Variants in SH3GL1 observed in about 807,000 individuals in gnomAD.
The protein encoded by SH3GL1 is endophilin-A2.
SH3GL1 carries 21 observed loss-of-function variants against 48.8 expected under a neutral mutation model. The ratio of observed to expected loss-of-function variants is 0.43; its 90% CI spans 0.30 to 0.62. SH3GL1 has a LOEUF of 0.62. SH3GL1 is among the 20% of genes least tolerant of loss of function. The pLI is 0.11. For synonymous variants in SH3GL1, 282 were observed against 217.5 expected (o/e 1.30, Z -2.61); for missense variants, 454 against 503.0 (o/e 0.90, Z 0.93).
chr19:4,387,324 G>T (rs928736319), intron 1 of SH3GL1, among the ~76,000 whole-genome samples: 6 of 146,096 alleles, frequency 4.1e-5, no homozygotes, highest in Non-Finnish European at 9.1e-5. Flanking sequence ...TTTTAGGCAG[G>T]GTCTTGCTCT....
intron 1 of SH3GL1, among the ~76,000 whole-genome samples, chr19:4,380,695 T>C (rs1210999793): frequency 1.3e-5 from 2 of 152,172 alleles, no homozygotes; most frequent in Non-Finnish European, 2.9e-5. Flanking sequence ...TTCTGGGGTG[T>C]GTGGTCCCCT....
intron 4 of SH3GL1, chr19:4,364,583 A>C: frequency 7.2e-6 from 2 of 278,982 alleles, no homozygotes; most frequent in South Asian, 7.7e-5. Flanking sequence ...GGGGCCTGCC[A>C]CCACATCCAG....
chr19:4,387,643 A>G (rs911012103), intron 1 of SH3GL1, among the ~76,000 whole-genome samples: 9 of 152,078 alleles, frequency 5.9e-5, no homozygotes, highest in African/African-American at 2.2e-4. Context: ...TGGGGTATCC[A>G]GCAAAATTTC....
At chr19:4,394,113 CCCT>C (rs1973385340) in intron 1 of SH3GL1, among the ~76,000 whole-genome samples, 1 of 135,692 alleles carries the variant, frequency 7.4e-6, no homozygotes, top group South Asian at 2.4e-4. Flanking sequence ...CAAACCCTCT[CCCT>C]CCTTTCAGGC....
chr19:4,390,712 C>T (rs1973321840), intron 1 of SH3GL1: 1 of 152,216 alleles, frequency 6.6e-6, no homozygotes, highest in Admixed American at 6.6e-5. Flanking sequence ...GCTGAGATGC[C>T]TCCAGAGCCT....
rs1973002843 is a variant in SH3GL1 at position 4,376,072 on chromosome 19, G to A, written c.46-9078C>T. 6.6e-6 allele frequency among the ~76,000 whole-genome samples: 1 copy of A among 152,226 alleles called. No individual in the cohort carries two copies. Among genetic ancestry groups the A allele is most frequent in the Non-Finnish European group, 1.5e-5 (1 of 68,038 alleles). ...GAGAACTGCGGGGCATGGTGACAGC[G>A]GTGAGAGGCTGCAGGTGCACAGATC... On this transcript the variant is annotated intron_variant, in intron 1 of 9. Coordinates refer to ENST00000269886, the MANE Select transcript of SH3GL1 (RefSeq NM_003025.4). This position sits in a 1 kb window ranked among gnomAD's most constrained non-coding sequence, Gnocchi z 4.3.
intron 1 of SH3GL1, among the ~76,000 whole-genome samples, chr19:4,374,919 C>T (rs11667564): frequency 0.017 from 2,642 of 152,306 alleles, 35 homozygotes; most frequent in Non-Finnish European, 0.024. Context: ...CCTCACCGCC[C>T]GTCTGGCAGA....
intron 1 of SH3GL1, among the ~76,000 whole-genome samples, chr19:4,372,829 C>G (rs973742312): frequency 6.6e-5 from 10 of 152,212 alleles, no homozygotes; most frequent in Non-Finnish European, 1.3e-4. Flanking sequence ...AGGCTCCTGG[C>G]TTGCTGATGT....
intron 3 of SH3GL1, 70 bp from the exon 4 acceptor site, chr19:4,365,695 C>T: frequency 1.3e-6 from 2 of 1,593,262 alleles, no homozygotes; most frequent in Non-Finnish European, 1.7e-6. Flanking sequence ...GACTGCAGCC[C>T]CCACATCTCC....
chr19:4,363,900 G>T (rs774025301), intron 5 of SH3GL1, 22 bp from the exon 6 acceptor site: 10 of 1,611,684 alleles, frequency 6.2e-6, no homozygotes, highest in Non-Finnish European at 8.5e-6. Context: ...GGGGACATGG[G>T]TCACACCAGT....
chr19:4,363,863 G>A lies in SH3GL1; in HGVS notation c.481C>T (p.Leu161=), dbSNP rs753891296. 8.7e-6 allele frequency: 14 copies of A among 1,612,480 alleles called. No individual in the cohort carries two copies. The Admixed American group carries it at 2.2e-4, about 25-fold the overall frequency. The change falls in exon 6 of 10, where the codon CTG becomes TTG. Residue 161 remains leucine, a synonymous_variant. Coordinates refer to ENST00000269886, the MANE Select transcript of SH3GL1 (RefSeq NM_003025.4). ...TCAAAGTCCAGGCGGCGGCCCTCCA[G>A]TTTCTTCAGGTGGTGCTGGAGACGT... ...LKEIQHHLKK[L]EGRRLDFDYK... is the part of the protein sequence containing the mutation.
chr19:4,392,932 C>A (rs1973363824), intron 1 of SH3GL1, among the ~76,000 whole-genome samples: 1 of 152,038 alleles, frequency 6.6e-6, no homozygotes, highest in South Asian at 2.1e-4. Flanking sequence ...GGGGACAGAA[C>A]AAGACTGCAT....
chr19:4,397,511 G>C (rs1973446814), intron 1 of SH3GL1, among the ~76,000 whole-genome samples: 1 of 152,226 alleles, frequency 6.6e-6, no homozygotes, highest in Non-Finnish European at 1.5e-5. Flanking sequence ...CCTGATCGCT[G>C]GGAGTGGGGG....
At chr19:4,391,177 G>A (rs991879753) in intron 1 of SH3GL1, among the ~76,000 whole-genome samples, 4 of 152,144 alleles carry the variant, frequency 2.6e-5, no homozygotes, top group African/African-American at 9.7e-5. Flanking sequence ...TCAGACCTCA[G>A]GTGCACTGCG....
Position 4,367,283 on chromosome 19 carries a change from T to C in SH3GL1, c.46-289A>G, listed in dbSNP as rs1352450572. Among the ~76,000 whole-genome samples, 1 of 152,166 alleles carries C rather than the reference T, an allele frequency of 6.6e-6. No individual in the cohort carries two copies. Among genetic ancestry groups the C allele is most frequent in the East Asian group, 1.9e-4 (1 of 5,180 alleles). On this transcript the variant is annotated intron_variant, in intron 1 of 9. Coordinates refer to ENST00000269886, the MANE Select transcript of SH3GL1 (RefSeq NM_003025.4). This position sits in a 1 kb window ranked among gnomAD's most constrained non-coding sequence, Gnocchi z 4.2. ...GGGGACCCTGCCACAGTAGGCCCCA[T>C]CTGGGCCACGGTGGAGTCCAGAGCC...
chr19:4,362,812 G>A, intron 7 of SH3GL1, 76 bp from the exon 8 acceptor site: 2 of 1,604,378 alleles, frequency 1.2e-6, no homozygotes. Context: ...TTATGCTGCT[G>A]CCTAATGACC....
rs1972961124 is a variant in SH3GL1, at chr19:4,374,245, A to C, written c.46-7251T>G. 2.0e-5 allele frequency among the ~76,000 whole-genome samples: 3 copies of C among 152,230 alleles called. No homozygotes were observed. In the South Asian group the frequency reaches 6.2e-4, roughly 31 times the overall value. On this transcript the variant is annotated intron_variant, in intron 1 of 9. Coordinates refer to ENST00000269886, the MANE Select transcript of SH3GL1 (RefSeq NM_003025.4). ...CACTGGAAAGAAGTCACGCAGACGAAGTGGTGACAGCCACGACAGGAAATT... is the reference window on the plus strand; with the variant it reads ...CACTGGAAAGAAGTCACGCAGACGACGTGGTGACAGCCACGACAGGAAATT...
rs1972682270 is a variant in SH3GL1, at chr19:4,363,487, A to G, written c.625-14T>C. On this transcript the variant is annotated splice_polypyrimidine_tract_variant and intron_variant, in intron 6 of 9. Coordinates refer to ENST00000269886, the MANE Select transcript of SH3GL1 (RefSeq NM_003025.4). ...CACCTGCTCGATCTGTGGGGACAGT[A>G]GGGCTCAGGGGCTCCTGCCAGTGCC... 1.2e-6 allele frequency: 2 copies of G among 1,604,864 alleles called. No individual in the cohort carries two copies. Among genetic ancestry groups the G allele is most frequent in the Admixed American group, 1.7e-5 (1 of 59,524 alleles).
intron 1 of SH3GL1, among the ~76,000 whole-genome samples, chr19:4,377,449 C>T (rs1258075585): frequency 6.6e-6 from 1 of 152,248 alleles, no homozygotes; most frequent in African/African-American, 2.4e-5. Context: ...ACACCAGGCT[C>T]TGGTGACAGG....
Sources: allele counts gnomAD v4.1 joint callset (sites outside exome capture counted in the v4.1 genomes callset), GRCh38; gene constraint gnomAD v4.1.1; non-coding constraint Gnocchi (gnomAD v3.1); transcripts MANE v1.5; gene names NCBI Gene and HGNC (gene_info 2026-07-23, HGNC 2026-07-21).